The following ELP1 variants were observed in gnomAD, a reference collection of about 807,000 sequenced individuals.
ELP1 encodes the protein elongator complex protein 1.
ELP1 carries 131 observed loss-of-function variants against 183.2 expected under a neutral mutation model. The observed-to-expected ratio is 0.72, with a 90% CI of 0.62 to 0.83. The LOEUF is 0.83. Ranked by LOEUF, ELP1 falls within the 40% of genes least tolerant of loss-of-function variation. The pLI is 0.00. For missense variants in ELP1, 1,550 were observed against 1,594.9 expected (o/e 0.97, Z 0.48); for synonymous variants, 555 against 569.0 (o/e 0.98, Z 0.35).
intron 10 of ELP1, among the ~76,000 whole-genome samples, chr9:108,914,223 C>A (rs1829341935): frequency 6.6e-6 from 1 of 151,768 alleles, no homozygotes; most frequent in African/African-American, 2.4e-5. Context: ...CGCGGTGAAA[C>A]CCTGCCTCTA....
Position 108,905,941 on chromosome 9 carries a change from A to G in ELP1, c.1643+362T>C, listed in dbSNP as rs151293525. Among the ~76,000 whole-genome samples, 666 of 152,156 alleles carry G rather than the reference A, an allele frequency of 4.4e-3. 4 individuals carry two copies. The highest frequency in any genetic ancestry group is 4.8e-3 in the Admixed American group (74 of 15,274). On this transcript the variant is annotated intron_variant, in intron 14 of 36. Coordinates refer to ENST00000374647, the MANE Select transcript of ELP1 (RefSeq NM_003640.5). ...CATTTATACAAAATTTCTTCCCATCACATTAGCCCATGAGAATTAGCCACT... is the reference window on the plus strand; with the variant it reads ...CATTTATACAAAATTTCTTCCCATCGCATTAGCCCATGAGAATTAGCCACT...
At chr9:108,872,970 CAA>C (rs1045311364) in intron 36 of ELP1, among the ~76,000 whole-genome samples, 4 of 152,014 alleles carry the variant, frequency 2.6e-5, no homozygotes, top group African/African-American at 9.7e-5. Context: ...ATTATTCTGA[CAA>C]ATTATATGAC....
chr9:108,878,911 A>T (rs1026019497), intron 33 of ELP1, among the ~76,000 whole-genome samples, 161 bp from the exon 34 acceptor site: 4 of 152,164 alleles, frequency 2.6e-5, no homozygotes, highest in Admixed American at 2.6e-4. Flanking sequence ...TGAATATATA[A>T]TCTTGCATTG....
chr9:108,931,307 A>G, intron 1 of ELP1, 106 bp from the exon 2 acceptor site: 2 of 761,770 alleles, frequency 2.6e-6, no homozygotes, highest in Non-Finnish European at 4.3e-6. Context: ...TAACCAAGAA[A>G]AGAAAAAACT....
In ELP1 at chr9:108,906,469, T is replaced by C. The variant is rs768857819; in HGVS notation, c.1477A>G (p.Asn493Asp). 6 of 1,613,614 alleles carry C rather than the reference T, an allele frequency of 3.7e-6. No individual in the cohort carries two copies. The highest frequency in any genetic ancestry group is 5.1e-6 in the Non-Finnish European group (6 of 1,179,618). Residue 493 changes from asparagine to aspartate, a missense_variant, in exon 14 of 37, where the codon AAT becomes GAT. Transcript: ENST00000374647. ...EKRYKIQFENNEDQDVNPLKL... is the reference protein window; with the variant it reads ...EKRYKIQFENDEDQDVNPLKL... ...AGCGGGTTTACATCTTGATCTTCATTATTCTCAAACTGGATTCTATTGTAA... is the reference window on the plus strand; with the variant it reads ...AGCGGGTTTACATCTTGATCTTCATCATTCTCAAACTGGATTCTATTGTAA...
intron 12 of ELP1, among the ~76,000 whole-genome samples, 192 bp downstream of exon 12, chr9:108,910,818 C>T (rs547859195): frequency 1.4e-5 from 2 of 141,212 alleles, no homozygotes; most frequent in South Asian, 4.8e-4. Flanking sequence ...CTCGTACAAA[C>T]CAGTATAGGA....
At chr9:108,923,105 C>T (rs959537572) in intron 5 of ELP1, among the ~76,000 whole-genome samples, 178 bp from the exon 6 acceptor site, 4 of 152,226 alleles carry the variant, frequency 2.6e-5, no homozygotes, top group Non-Finnish European at 4.4e-5. Context: ...CATGGTGGCT[C>T]ATGCCTATAG....
At chr9:108,893,803 C>A in intron 26 of ELP1, 140 bp downstream of exon 26, 2 of 899,522 alleles carry the variant, frequency 2.2e-6, no homozygotes, top group East Asian at 2.6e-5. Flanking sequence ...GACAAAATAA[C>A]GTGAGCATAC....
chr9:108,916,428 A>G (rs979787204), intron 9 of ELP1, 131 bp from the exon 10 acceptor site: 5 of 759,224 alleles, frequency 6.6e-6, no homozygotes, highest in Middle Eastern at 4.7e-4. Context: ...GTAAATCACT[A>G]ACCTACAGAG....
chr9:108,869,069 G>A lies in ELP1; in HGVS notation c.*46C>T, dbSNP rs1233804042. On this transcript the variant is annotated 3_prime_UTR_variant, in exon 37 of 37. Coordinates refer to ENST00000374647, the MANE Select transcript of ELP1 (RefSeq NM_003640.5). ...CAAGGGGTGGTAGGACAACAGGAAT[G>A]AGTGGAAATGGTCTTCTCTGTCGGA... 2.0e-6 allele frequency: 3 copies of A among 1,521,336 alleles called. No individual in the cohort carries two copies. Among genetic ancestry groups the A allele is most frequent in the East Asian group, 2.3e-5 (1 of 44,440 alleles). 94.2% of individuals were successfully genotyped at this position (1,521,336 alleles called of 1,614,324 possible).
intron 24 of ELP1, 89 bp downstream of exon 24, chr9:108,896,864 G>A: frequency 1.6e-6 from 2 of 1,237,764 alleles, no homozygotes; most frequent in Non-Finnish European, 2.4e-6. Context: ...TAAATCTGTG[G>A]TGTGGCAATG....
intron 3 of ELP1, among the ~76,000 whole-genome samples, 163 bp downstream of exon 3, chr9:108,929,606 A>C (rs1483210321): frequency 6.6e-6 from 1 of 152,256 alleles, no homozygotes; most frequent in African/African-American, 2.4e-5. Context: ...TAACATATAG[A>C]TAAAGCCATG....
chr9:108,874,426 A>ATATTC (rs1209948276), intron 36 of ELP1, among the ~76,000 whole-genome samples: 7 of 152,224 alleles, frequency 4.6e-5, no homozygotes, highest in Non-Finnish European at 1.0e-4. Context: ...TAAAATGCTA[A>ATATTC]TATTCTTTGG....
chr9:108,903,375 C>T (rs1320164026), intron 15 of ELP1, among the ~76,000 whole-genome samples, 188 bp downstream of exon 15: 3 of 152,056 alleles, frequency 2.0e-5, no homozygotes, highest in Admixed American at 1.3e-4. Flanking sequence ...TTTAAGAGTA[C>T]GTTAGTTCAT....
chr9:108,871,038 C>G (rs372268616), intron 36 of ELP1, among the ~76,000 whole-genome samples: 219 of 125,332 alleles, frequency 1.7e-3, no homozygotes, highest in Middle Eastern at 7.5e-3. Context: ...GATTGGCTGT[C>G]GTAAAGCCTG....
At chr9:108,892,936 C>T (rs1428888540) in intron 27 of ELP1, 50 bp downstream of exon 27, 27 of 1,336,426 alleles carry the variant, frequency 2.0e-5, no homozygotes, top group African/African-American at 2.9e-5. Flanking sequence ...TCCTTTCCTA[C>T]TAAAGCAAAA....
chr9:108,931,916 C>T (rs1830013754), intron 1 of ELP1, among the ~76,000 whole-genome samples: 1 of 152,192 alleles, frequency 6.6e-6, no homozygotes, highest in Non-Finnish European at 1.5e-5. Context: ...AAGACATCTA[C>T]TTTGGTCTGG....
At chr9:108,876,895 G>A (rs1327081003) in intron 35 of ELP1, among the ~76,000 whole-genome samples, 3 of 152,006 alleles carry the variant, frequency 2.0e-5, no homozygotes, top group African/African-American at 7.2e-5. Flanking sequence ...CCATGCCCGG[G>A]TAATTTTGTA....
chr9:108,894,188 A>T, intron 25 of ELP1, 122 bp from the exon 26 acceptor site: 1 of 571,398 alleles, frequency 1.8e-6, no homozygotes, highest in South Asian at 2.3e-5. Flanking sequence ...ATTATATATT[A>T]ACTGCATATT....
Sources: gnomAD v4.1 joint callset for allele counts (sites outside exome capture counted in the v4.1 genomes callset) on GRCh38, gnomAD v4.1.1 for gene constraint, MANE v1.5 for transcripts, NCBI Gene and HGNC (gene_info 2026-07-23, HGNC 2026-07-21) for gene names.